The following PTPN14 variants were observed in gnomAD, a reference collection of about 807,000 sequenced individuals.
The protein encoded by PTPN14 is tyrosine-protein phosphatase non-receptor type 14.
In PTPN14, 53 loss-of-function variants were observed where a neutral mutation model predicts 126.8. The observed-to-expected ratio is 0.42, with a 90% CI of 0.34 to 0.53. The LOEUF (loss-of-function observed/expected upper bound fraction) is 0.53. Ranked by LOEUF, PTPN14 falls within the 20% of genes least tolerant of loss-of-function variation. The pLI, the probability that PTPN14 is intolerant of heterozygous loss-of-function variation, is 0.08. For synonymous variants in PTPN14, 630 were observed against 599.3 expected, an observed-to-expected ratio of 1.05 and a Z score of -0.75; for missense variants, 1,257 against 1,552.9, an observed-to-expected ratio of 0.81 and a Z score of 3.20.
At chr1:214,391,385 G>C (rs61821382) in intron 10 of PTPN14, among the ~76,000 whole-genome samples, 384 of 151,620 alleles carry the variant, frequency 2.5e-3, no homozygotes, top group Non-Finnish European at 3.8e-3. Context: ...TCTTTCTACT[G>C]TTGTATATAT....
intron 1 of PTPN14, chr1:214,482,970 T>A (rs1221949674): frequency 9.4e-6 from 15 of 1,598,104 alleles, no homozygotes. Flanking sequence ...TGCATCAATT[T>A]GTGTAACAAT....
intron 1 of PTPN14, among the ~76,000 whole-genome samples, chr1:214,470,615 G>A (rs192471191): frequency 3.3e-5 from 5 of 151,526 alleles, no homozygotes; most frequent in African/African-American, 4.8e-5. Context: ...AAACCCCATC[G>A]CTACTAAAAA....
chr1:214,441,386 T>A (rs931254146), intron 3 of PTPN14, among the ~76,000 whole-genome samples: 1 of 152,188 alleles, frequency 6.6e-6, no homozygotes, highest in African/African-American at 2.4e-5. Flanking sequence ...AGGTTTTGGA[T>A]TCTTGTGCTT....
chr1:214,425,919 G>C (rs549549527), intron 3 of PTPN14, among the ~76,000 whole-genome samples: 1 of 151,870 alleles, frequency 6.6e-6, no homozygotes, highest in Admixed American at 6.6e-5. Context: ...AGGCTCCCAG[G>C]GGGTAGGTGA....
At chr1:214,509,036 T>G (rs1171741183) in intron 1 of PTPN14, among the ~76,000 whole-genome samples, 2 of 152,212 alleles carry the variant, frequency 1.3e-5, no homozygotes, top group Non-Finnish European at 2.9e-5. Flanking sequence ...TAGAGTAGAT[T>G]TAGCATAATT....
At chr1:214,382,200 C>A (rs191701337) in intron 13 of PTPN14, among the ~76,000 whole-genome samples, 97 of 152,286 alleles carry the variant, frequency 6.4e-4, no homozygotes, top group Middle Eastern at 6.8e-3. Flanking sequence ...AGTGCCCAGT[C>A]GAGATTTTTT....
At chr1:214,415,999 T>G (rs1219542744) in intron 3 of PTPN14, among the ~76,000 whole-genome samples, 3 of 152,244 alleles carry the variant, frequency 2.0e-5, no homozygotes, top group Non-Finnish European at 4.4e-5. Context: ...ATAAAATGTT[T>G]GAATCTCATC....
intron 1 of PTPN14, among the ~76,000 whole-genome samples, chr1:214,540,110 A>G (rs1386983691): frequency 6.6e-6 from 1 of 152,226 alleles, no homozygotes. Flanking sequence ...AAAAGAATAT[A>G]TATGATCTTT....
intron 16 of PTPN14, chr1:214,372,325 T>G: frequency 4.2e-6 from 1 of 239,912 alleles, no homozygotes; most frequent in Non-Finnish European, 8.2e-6. Flanking sequence ...TCTATGTCGA[T>G]TTGCCCAGAG....
At chr1:214,405,161 C>T (rs1659132019) in intron 5 of PTPN14, among the ~76,000 whole-genome samples, 1 of 152,190 alleles carries the variant, frequency 6.6e-6, no homozygotes, top group African/African-American at 2.4e-5. Flanking sequence ...TGTGAAATGC[C>T]ACATCATCCT....
chr1:214,459,313 C>T (rs1373031936), intron 2 of PTPN14, among the ~76,000 whole-genome samples: 11 of 151,794 alleles, frequency 7.2e-5, no homozygotes, highest in African/African-American at 2.2e-4. Flanking sequence ...CCACCTTGCC[C>T]GGGTAATTTC....
At chr1:214,449,065 G>A (rs910052966) in intron 3 of PTPN14, among the ~76,000 whole-genome samples, 17 of 127,326 alleles carry the variant, frequency 1.3e-4, no homozygotes, top group African/African-American at 5.3e-4. Context: ...GGACTGCAGT[G>A]GCGCTATCCC....
chr1:214,509,835 G>T (rs924566203), intron 1 of PTPN14, among the ~76,000 whole-genome samples: 1 of 152,202 alleles, frequency 6.6e-6, no homozygotes, highest in Non-Finnish European at 1.5e-5. Flanking sequence ...CACGTCCTTT[G>T]TAGGGACATG....
At chr1:214,397,449 G>A (rs1658906545) in intron 8 of PTPN14, among the ~76,000 whole-genome samples, 1 of 152,140 alleles carries the variant, frequency 6.6e-6, no homozygotes, top group Non-Finnish European at 1.5e-5. Context: ...ATGGAAAAGA[G>A]GACTGAAGTG....
chr1:214,460,168 G>A (rs1660477590), intron 2 of PTPN14, among the ~76,000 whole-genome samples: 2 of 46,788 alleles, frequency 4.3e-5, no homozygotes. Flanking sequence ...AGCAAGAGTA[G>A]GGACACATCA....
intron 1 of PTPN14, among the ~76,000 whole-genome samples, chr1:214,504,395 T>C (rs1215110052): frequency 1.3e-5 from 2 of 152,170 alleles, no homozygotes; most frequent in African/African-American, 4.8e-5. Flanking sequence ...TTCTGATGCA[T>C]TATTCTCTCC....
chr1:214,464,216 C>CA (rs11316078), intron 2 of PTPN14, among the ~76,000 whole-genome samples: 23,706 of 121,706 alleles, frequency 0.19, 2,610 homozygotes, highest in Non-Finnish European at 0.25. Context: ...TAGAAACAAC[C>CA]AAAAAAAAAA....
At position 214,393,684 on chromosome 1, in the gene PTPN14, T is replaced by C; in HGVS notation, c.929+11A>G. On this transcript the variant is annotated intron_variant, in intron 10 of 18. Transcript: ENST00000366956. Reference sequence around the variant, plus strand: ...AGCCATCAAGTCGGGGGGGATTAAATGTTTACTTACTCAGTGCAGATTTTG... The same window carrying C: ...AGCCATCAAGTCGGGGGGGATTAAACGTTTACTTACTCAGTGCAGATTTTG... The C allele has an allele frequency of 6.4e-7, 1 of 1,551,434 alleles. No homozygotes were observed. Among genetic ancestry groups the C allele is most frequent in the South Asian group, 1.1e-5 (1 of 89,712 alleles).
rs534744936 is a variant in PTPN14 at position 214,456,637 on chromosome 1, T to G, written c.175-4663A>C. Reference sequence around the variant, plus strand: ...GAGTAACACAGACCCAAGAAGCAAGTCCCATAGCCAAGAAAAACCACTCTT... The same window carrying G: ...GAGTAACACAGACCCAAGAAGCAAGGCCCATAGCCAAGAAAAACCACTCTT... On this transcript the variant is annotated intron_variant, in intron 2 of 18. Transcript: ENST00000366956. Among the ~76,000 whole-genome samples the G allele has an allele frequency of 3.5e-3, 534 of 152,054 alleles. 1 individual carries two copies. The highest frequency in any genetic ancestry group is 0.012 in the African/African-American group (508 of 41,488).
Sources: gnomAD v4.1 joint callset for allele counts (sites outside exome capture counted in the v4.1 genomes callset) on GRCh38, gnomAD v4.1.1 for gene constraint, MANE v1.5 for transcripts, NCBI Gene and HGNC (gene_info 2026-07-23, HGNC 2026-07-21) for gene names.